The following ADGRB3 variants were observed in gnomAD, a reference collection of about 807,000 sequenced individuals.
ADGRB3 encodes adhesion G protein-coupled receptor B3.
Under a neutral mutation model 193.4 loss-of-function variants are expected in ADGRB3, and 37 were observed. The ratio of observed to expected loss-of-function variants is 0.19; its 90% confidence interval spans 0.15 to 0.25. ADGRB3 has a LOEUF of 0.25. ADGRB3 is among the 10% of genes least tolerant of loss of function. The pLI, the probability that ADGRB3 is intolerant of heterozygous loss-of-function variation, is 1.00. For missense variants in ADGRB3, 1,637 were observed against 1,852.9 expected, an observed-to-expected ratio of 0.88 and a Z score of 2.14; for synonymous variants, 690 against 644.2, an observed-to-expected ratio of 1.07 and a Z score of -1.08.
intron 24 of ADGRB3, among the ~76,000 whole-genome samples, chr6:69,335,432 T>C (rs1045801210): frequency 1.3e-5 from 2 of 152,150 alleles, no homozygotes; most frequent in African/African-American, 2.4e-5. Context: ...TGTTAACTTA[T>C]GTTATAAAAG....
At chr6:68,934,583 T>G (rs1409180861) in intron 4 of ADGRB3, among the ~76,000 whole-genome samples, 1 of 152,176 alleles carries the variant, frequency 6.6e-6, no homozygotes, top group Non-Finnish European at 1.5e-5. Flanking sequence ...GACTTTTAAT[T>G]AATAACATGC....
At chr6:69,372,371 G>C (rs781587029) in intron 29 of ADGRB3, 35 bp from the exon 30 acceptor site, 1 of 1,228,846 alleles carries the variant, frequency 8.1e-7, no homozygotes, top group South Asian at 1.6e-5. Flanking sequence ...AACTTTATTG[G>C]TTTTTCTCCT....
intron 13 of ADGRB3, among the ~76,000 whole-genome samples, chr6:69,035,274 C>A (rs1416776105): frequency 6.6e-6 from 1 of 152,100 alleles, no homozygotes; most frequent in African/African-American, 2.4e-5. Flanking sequence ...TGCCCCTTTT[C>A]TCTCTTCAAA....
At chr6:68,717,374 G>T (rs763816824) in intron 3 of ADGRB3, among the ~76,000 whole-genome samples, 1 of 151,596 alleles carries the variant, frequency 6.6e-6, no homozygotes, top group Non-Finnish European at 1.5e-5. Context: ...CATTAAAAAC[G>T]ATATGTTTTA....
intron 17 of ADGRB3, among the ~76,000 whole-genome samples, chr6:69,223,652 C>CTTT (rs554027181): frequency 1.5e-3 from 164 of 110,366 alleles, no homozygotes; most frequent in African/African-American, 2.7e-3. Context: ...CTCTCTCTCT[C>CTTT]TTTTTTTTTT....
chr6:69,336,041 TTC>T (rs1205719770), intron 24 of ADGRB3, among the ~76,000 whole-genome samples: 4 of 151,976 alleles, frequency 2.6e-5, no homozygotes, highest in Non-Finnish European at 5.9e-5. Flanking sequence ...TCTACTGAAA[TTC>T]TTTTTTCTTT....
chr6:68,779,680 C>G (rs1484882224), intron 3 of ADGRB3, among the ~76,000 whole-genome samples: 2 of 151,678 alleles, frequency 1.3e-5, no homozygotes, highest in African/African-American at 4.9e-5. Context: ...AGACATTAAA[C>G]ATTAGGTGTT....
rs573044070 is a variant in ADGRB3, at chr6:69,014,083, G to A, written c.1975G>A (p.Glu659Lys). The A allele has an allele frequency of 2.5e-6, 4 of 1,603,906 alleles. No individual in the cohort carries two copies. The East Asian group carries it at 9.0e-5, about 36-fold the overall frequency. The change falls in exon 12 of 32, where the codon GAA becomes AAA. Residue 659 changes from glutamate (E) to lysine (K), a missense_variant. Transcript: ENST00000370598. ...CAACCTTCTAGATGAAGAAAACAAG[G>A]AAAAATGGGAAGATGCACAACAGGT... The part of the protein sequence containing the change: ...VSNLLDEENK[E>K]KWEDAQQIYP...
rs76506158 is a variant in ADGRB3 at position 69,026,392 on chromosome 6, A to G, written c.2107+7893A>G. 4.7e-3 allele frequency among the ~76,000 whole-genome samples: 715 copies of G among 152,292 alleles called. 2 individuals carry two copies. The highest frequency in any genetic ancestry group is 7.6e-3 in the Non-Finnish European group (515 of 68,022). ...CAGAACACTTCAGACAGAAGAAACAATAAGTAAGCAGAAAGGCCATGATTC... is the reference window on the plus strand; with the variant it reads ...CAGAACACTTCAGACAGAAGAAACAGTAAGTAAGCAGAAAGGCCATGATTC... On this transcript the variant is annotated intron_variant, in intron 13 of 31. Coordinates refer to ENST00000370598, the MANE Select transcript of ADGRB3 (RefSeq NM_001704.3).
chr6:68,946,098 C>T (rs1214411801), intron 6 of ADGRB3, among the ~76,000 whole-genome samples: 2 of 152,096 alleles, frequency 1.3e-5, no homozygotes, highest in Non-Finnish European at 2.9e-5. Context: ...CCGTTGTTTT[C>T]ATTCTTGAAT....
At chr6:69,327,750 G>C (rs1768610740) in intron 21 of ADGRB3, 70 bp from the exon 22 acceptor site, 1 of 1,356,910 alleles carries the variant, frequency 7.4e-7, no homozygotes, top group African/African-American at 1.5e-5. Context: ...AGTTTGTTCT[G>C]GCTTTTCTTA....
chr6:68,693,174 A>T (rs1425797721), intron 3 of ADGRB3, among the ~76,000 whole-genome samples: 2 of 151,866 alleles, frequency 1.3e-5, no homozygotes, highest in Non-Finnish European at 2.9e-5. Context: ...TAAATGAGGT[A>T]GCAATGAGGA....
intron 17 of ADGRB3, among the ~76,000 whole-genome samples, chr6:69,122,876 T>G (rs1160835893): frequency 2.0e-5 from 3 of 152,078 alleles, no homozygotes; most frequent in Non-Finnish European, 4.4e-5. Context: ...TTGAGCTAGT[T>G]ACTTCATCTC....
chr6:68,925,927 T>C (rs942167794), intron 3 of ADGRB3, among the ~76,000 whole-genome samples: 1 of 152,060 alleles, frequency 6.6e-6, no homozygotes, highest in Non-Finnish European at 1.5e-5. Context: ...CAGTGACACT[T>C]AATTTTCAAA....
intron 10 of ADGRB3, among the ~76,000 whole-genome samples, chr6:68,990,963 C>T (rs1362546556): frequency 1.3e-5 from 2 of 152,122 alleles, no homozygotes; most frequent in African/African-American, 4.8e-5. Flanking sequence ...GACTCTATTA[C>T]CTTCATTTCT....
chr6:68,638,612 A>G lies in ADGRB3; in HGVS notation c.-15-49A>G, dbSNP rs1381781403. On this transcript the variant is annotated intron_variant, in intron 2 of 31. Coordinates refer to ENST00000370598, the MANE Select transcript of ADGRB3 (RefSeq NM_001704.3). ...ATATTGAAAGGAGTTTATTTTCTCA[A>G]TGCACGTAGACTCCTACTTGCATTT... 17 of 1,500,780 alleles carry G rather than the reference A, an allele frequency of 1.1e-5. No individual in the cohort carries two copies. In the Admixed American group the frequency reaches 2.7e-4, roughly 24 times the overall value. 93.0% of individuals were successfully genotyped at this position (1,500,780 alleles called of 1,614,324 possible). A position where few individuals can be genotyped will look rare whatever the true frequency, so the allele number is the denominator to read the frequency against.
chr6:69,049,413 C>A, intron 15 of ADGRB3, 67 bp downstream of exon 15: 1 of 1,167,416 alleles, frequency 8.6e-7, no homozygotes, highest in South Asian at 1.4e-5. Context: ...ATAGCTCATT[C>A]TATAAAAATA....
chr6:69,058,067 C>T (rs941997404), intron 15 of ADGRB3, among the ~76,000 whole-genome samples: 1 of 151,748 alleles, frequency 6.6e-6, no homozygotes. Context: ...TTCTGGTCCT[C>T]TAGACTTTTG....
chr6:69,139,111 C>G (rs1020180740), intron 17 of ADGRB3, among the ~76,000 whole-genome samples: 4 of 152,212 alleles, frequency 2.6e-5, no homozygotes, highest in African/African-American at 9.6e-5. Context: ...ACCCTACCAC[C>G]TCCCTAGACC....
Sources: gnomAD v4.1 joint callset for allele counts (sites outside exome capture counted in the v4.1 genomes callset) on GRCh38, gnomAD v4.1.1 for gene constraint, MANE v1.5 for transcripts, NCBI Gene and HGNC (gene_info 2026-07-23, HGNC 2026-07-21) for gene names.